The following JARID2 variants were observed in gnomAD, a reference collection of about 807,000 sequenced individuals.
The protein encoded by JARID2 is protein Jumonji.
Under a neutral mutation model 125.6 loss-of-function variants are expected in JARID2, and 21 were observed. The observed-to-expected ratio is 0.17, with a 90% confidence interval of 0.12 to 0.24. The LOEUF (loss-of-function observed/expected upper bound fraction) is 0.24, where lower values mean the gene tolerates loss of function less well. Ranked by LOEUF, JARID2 falls within the 10% of genes least tolerant of loss-of-function variation. JARID2 has a pLI of 1.00. For missense variants in JARID2, 1,303 were observed against 1,639.6 expected (o/e 0.79, Z 3.55); for synonymous variants, 736 against 661.6 (o/e 1.11, Z -1.73).
intron 3 of JARID2, among the ~76,000 whole-genome samples, chr6:15,412,883 T>A (rs1765942866): frequency 2.0e-5 from 3 of 152,286 alleles, no homozygotes; most frequent in South Asian, 2.1e-4. Context: ...AAGTTGAGCC[T>A]AAAGTAACTA....
At chr6:15,277,062 G>C (rs1215997983) in intron 1 of JARID2, among the ~76,000 whole-genome samples, 2 of 152,138 alleles carry the variant, frequency 1.3e-5, no homozygotes, top group Admixed American at 1.3e-4. Context: ...GTGCTTTGTT[G>C]ATTTTTTTCC....
intron 3 of JARID2, among the ~76,000 whole-genome samples, chr6:15,449,509 C>G (rs1767821817): frequency 6.6e-6 from 1 of 151,316 alleles, no homozygotes; most frequent in Admixed American, 6.6e-5. Context: ...GCAACAGCAA[C>G]AAGCCAAAAA....
chr6:15,345,984 T>C (rs935586711), intron 1 of JARID2, among the ~76,000 whole-genome samples: 2 of 152,208 alleles, frequency 1.3e-5, no homozygotes, highest in Non-Finnish European at 2.9e-5. Context: ...ATACATTCCG[T>C]AAGTGTTCGT....
chr6:15,254,450 A>AAC (rs1759575650), intron 1 of JARID2, among the ~76,000 whole-genome samples: 1 of 152,146 alleles, frequency 6.6e-6, no homozygotes, highest in South Asian at 2.1e-4. Flanking sequence ...CCATCCATTA[A>AAC]ACAAAGGCTG....
chr6:15,449,160 T>C (rs182456626), intron 3 of JARID2, among the ~76,000 whole-genome samples: 54 of 152,200 alleles, frequency 3.5e-4, no homozygotes, highest in African/African-American at 1.1e-3. Flanking sequence ...TCATGACTTA[T>C]ATAGAGGCAG....
chr6:15,250,365 A>G (rs1759396384), intron 1 of JARID2, among the ~76,000 whole-genome samples: 1 of 152,180 alleles, frequency 6.6e-6, no homozygotes. Context: ...TTGTTCAGTC[A>G]CGTTATTTTA....
At chr6:15,295,733 G>A (rs559527737) in intron 1 of JARID2, among the ~76,000 whole-genome samples, 1 of 152,106 alleles carries the variant, frequency 6.6e-6, no homozygotes, top group Non-Finnish European at 1.5e-5. Context: ...GCACAACCTC[G>A]GTTTACTGCA....
chr6:15,299,492 A>C (rs1174779863), intron 1 of JARID2, among the ~76,000 whole-genome samples: 1 of 152,154 alleles, frequency 6.6e-6, no homozygotes, highest in Non-Finnish European at 1.5e-5. Flanking sequence ...TCAGAAATAG[A>C]TGCCATCCCT....
rs181987458 is a variant in JARID2, at chr6:15,283,761, A to G, written c.45+37177A>G. Among the ~76,000 whole-genome samples the G allele has an allele frequency of 4.4e-3, 621 of 140,076 alleles. 3 individuals are homozygous for G. Among genetic ancestry groups the G allele is most frequent in the African/African-American group, 0.016 (581 of 37,082 alleles). The allele number at this position is 140,076 out of a possible 152,430, so 91.9% of individuals were successfully genotyped here. A position where few individuals can be genotyped will look rare whatever the true frequency, so the allele number is the denominator to read the frequency against. On this transcript the variant is annotated intron_variant, in intron 1 of 17. Coordinates refer to ENST00000341776, the MANE Select transcript of JARID2 (RefSeq NM_004973.4). Reference sequence around the variant, plus strand: ...CACTCTGTTGCCCAGGCTGGAGTGCAGTAGCGCGATCACGGCTCACTGCAA... The same window carrying G: ...CACTCTGTTGCCCAGGCTGGAGTGCGGTAGCGCGATCACGGCTCACTGCAA...
rs770567125 is a variant in JARID2 at position 15,496,789 on chromosome 6, T to G, written c.1564T>G (p.Cys522Gly). 1.2e-6 allele frequency: 2 copies of G among 1,611,262 alleles called. No homozygotes were observed. Among genetic ancestry groups the G allele is most frequent in the African/African-American group, 2.7e-5 (2 of 74,898 alleles). Residue 522 changes from cysteine (C) to glycine (G), a missense_variant, in exon 7 of 18, where the codon TGT becomes GGT. Coordinates refer to ENST00000341776, the MANE Select transcript of JARID2 (RefSeq NM_004973.4). The stretch of plus-strand genomic sequence containing the variant: ...ACATGGCAAGGCGGACAGCGCCTCC[T>G]GTGAAAATCGTTCTACCTCGCAACC... ...QAHGKADSAS[C>G]ENRSTSQPES...
chr6:15,355,057 C>T (rs1438033264), intron 1 of JARID2, among the ~76,000 whole-genome samples: 1 of 152,114 alleles, frequency 6.6e-6, no homozygotes, highest in Non-Finnish European at 1.5e-5. Flanking sequence ...ACCCTCCCTC[C>T]CATTGTGTGG....
intron 1 of JARID2, among the ~76,000 whole-genome samples, chr6:15,350,922 A>C (rs149938108): frequency 6.6e-6 from 1 of 152,142 alleles, no homozygotes; most frequent in African/African-American, 2.4e-5. Flanking sequence ...TTAGGTCCTC[A>C]AGGATTGCTT....
At chr6:15,285,877 T>C (rs1304000958) in intron 1 of JARID2, among the ~76,000 whole-genome samples, 3 of 136,554 alleles carry the variant, frequency 2.2e-5, no homozygotes, top group Non-Finnish European at 5.0e-5. Context: ...ACATGCATTA[T>C]GTATCACACT....
At chr6:15,348,379 G>A (rs1291777008) in intron 1 of JARID2, among the ~76,000 whole-genome samples, 1 of 152,060 alleles carries the variant, frequency 6.6e-6, no homozygotes, top group Non-Finnish European at 1.5e-5. Context: ...CGTGAGCCAC[G>A]GCACCTGGCC....
Position 15,438,043 on chromosome 6 carries a change from G to A in JARID2, c.324-13963G>A, listed in dbSNP as rs144908543. ...TTTAATGTCTTGGGGCCTGTTCTGG[G>A]TATGAAGTTACTATGGCTGCTTTTT... is the stretch of plus-strand genomic sequence containing the variant. On this transcript the variant is annotated intron_variant, in intron 3 of 17. Coordinates refer to ENST00000341776, the MANE Select transcript of JARID2 (RefSeq NM_004973.4). 9.5e-4 allele frequency among the ~76,000 whole-genome samples: 144 copies of A among 152,282 alleles called. No homozygotes were observed. In the East Asian group the frequency reaches 0.022, roughly 23 times the overall value.
chr6:15,439,348 A>G (rs1370728772), intron 3 of JARID2, among the ~76,000 whole-genome samples: 2 of 152,042 alleles, frequency 1.3e-5, no homozygotes, highest in Non-Finnish European at 2.9e-5. Context: ...TTTTATTAGG[A>G]TGTCGTGCAA....
intron 3 of JARID2, among the ~76,000 whole-genome samples, chr6:15,433,088 G>A (rs1767037163): frequency 6.6e-6 from 1 of 152,156 alleles, no homozygotes; most frequent in Non-Finnish European, 1.5e-5. Context: ...ACTTTGATAA[G>A]CACCACTCCG....
intron 1 of JARID2, among the ~76,000 whole-genome samples, chr6:15,371,014 C>A (rs1764147750): frequency 6.6e-6 from 1 of 152,216 alleles, no homozygotes; most frequent in Non-Finnish European, 1.5e-5. Context: ...TTACAAAACA[C>A]TTGTGTGTTG....
chr6:15,493,320 T>G lies in JARID2; in HGVS notation c.907-2812T>G, dbSNP rs574975995. On this transcript the variant is annotated intron_variant, in intron 6 of 17. Coordinates refer to ENST00000341776, the MANE Select transcript of JARID2 (RefSeq NM_004973.4). The stretch of plus-strand genomic sequence containing the variant: ...GCACAGAATCTAGAGGGAAGGGATT[T>G]ACATTATTTTGAAGCTCCCCTAAGG... 2.6e-5 allele frequency among the ~76,000 whole-genome samples: 4 copies of G among 152,290 alleles called. No homozygotes were observed. In the East Asian group the frequency reaches 7.7e-4, roughly 29 times the overall value.
Sources: gnomAD v4.1 joint callset for allele counts (sites outside exome capture counted in the v4.1 genomes callset) on GRCh38, gnomAD v4.1.1 for gene constraint, MANE v1.5 for transcripts, NCBI Gene and HGNC (gene_info 2026-07-23, HGNC 2026-07-21) for gene names.